The following PRPS2 variants were observed in gnomAD, a reference collection of about 807,000 sequenced individuals.
PRPS2 encodes the protein phosphoribosyl pyrophosphate synthetase 2, also known as ribose-phosphate pyrophosphokinase 2.
For missense variants in PRPS2, 104 were observed against 271.5 expected (o/e 0.38, Z 4.34); for synonymous variants, 111 against 115.3 (o/e 0.96, Z 0.24).
chrX:12,805,604 A>G (rs998413299), intron 2 of PRPS2, among the ~76,000 whole-genome samples: 1 of 112,348 alleles, frequency 8.9e-6, no homozygotes, highest in African/African-American at 3.2e-5. Context: ...TTCAGATGTC[A>G]CAAAATATTG....
At chrX:12,809,110 A>G (rs1467393888) in intron 2 of PRPS2, 124 bp from the exon 3 acceptor site, 3 of 573,049 alleles carry the variant, frequency 5.2e-6, no homozygotes, top group African/African-American at 2.3e-5. Flanking sequence ...CACAACATGT[A>G]TAATTTTCTT....
intron 2 of PRPS2, among the ~76,000 whole-genome samples, chrX:12,807,118 A>G (rs1313964699): frequency 1.8e-5 from 2 of 111,702 alleles, no homozygotes; most frequent in African/African-American, 6.5e-5. Flanking sequence ...GGACAAAAAT[A>G]TATTTTCTCA....
Position 12,821,680 on chromosome X carries a change from A to C in PRPS2, c.864+877A>C, listed in dbSNP as rs182864493. Among the ~76,000 whole-genome samples, 481 of 112,114 alleles carry C rather than the reference A, an allele frequency of 4.3e-3. 4 individuals are homozygous for C. The highest frequency in any genetic ancestry group is 0.015 in the African/African-American group (462 of 30,764). On this transcript the variant is annotated intron_variant, in intron 6 of 6. Coordinates refer to ENST00000380668, the MANE Select transcript of PRPS2 (RefSeq NM_002765.5). ...TATACTTGATCTTAGCCAGATAGAT[A>C]AATAGATAGATACATAGATAGATAC...
rs187516554 is a variant in PRPS2 at position 12,820,457 on chromosome X, C to T, written c.705-187C>T. ...CTCAAGTGCCAAGGTTGATAGTCCC[C>T]GATTTAATGGAATACAAAGTGTTTT... On this transcript the variant is annotated intron_variant, in intron 5 of 6. Coordinates refer to ENST00000380668, the MANE Select transcript of PRPS2 (RefSeq NM_002765.5). Among the ~76,000 whole-genome samples, 289 of 111,625 alleles carry T rather than the reference C, an allele frequency of 2.6e-3. 1 individual carries two copies. The highest frequency in any genetic ancestry group is 4.3e-3 in the Non-Finnish European group (230 of 53,135).
chrX:12,820,593 A>C, intron 5 of PRPS2, 51 bp from the exon 6 acceptor site: 1 of 1,152,702 alleles, frequency 8.7e-7, no homozygotes, highest in Non-Finnish European at 1.2e-6. Context: ...AGGGGAGAGT[A>C]TTCCAAGAAT....
intron 1 of PRPS2, among the ~76,000 whole-genome samples, chrX:12,797,925 G>A (rs1468986262): frequency 8.9e-6 from 1 of 112,550 alleles, no homozygotes; most frequent in Non-Finnish European, 1.9e-5. Context: ...GCAAAACAAG[G>A]AAGTATACCA....
At chrX:12,805,757 G>T (rs1458716541) in intron 2 of PRPS2, among the ~76,000 whole-genome samples, 1 of 111,893 alleles carries the variant, frequency 8.9e-6, no homozygotes, top group Non-Finnish European at 1.9e-5. Flanking sequence ...CTCAATAACT[G>T]CTGGTTCCCT....
intron 1 of PRPS2, among the ~76,000 whole-genome samples, chrX:12,798,846 T>C (rs2042556125): frequency 9.0e-6 from 1 of 111,695 alleles, no homozygotes; most frequent in Non-Finnish European, 1.9e-5. Context: ...AGGGTGCTTA[T>C]ATGACCAGCC....
intron 2 of PRPS2, among the ~76,000 whole-genome samples, chrX:12,802,632 C>T (rs776729485): frequency 8.9e-6 from 1 of 112,525 alleles, no homozygotes; most frequent in South Asian, 3.7e-4. Flanking sequence ...AGCCATCGCG[C>T]CCAGCCGGCT....
intron 4 of PRPS2, among the ~76,000 whole-genome samples, chrX:12,814,605 G>C (rs921427342): frequency 8.9e-6 from 1 of 111,911 alleles, no homozygotes; most frequent in Non-Finnish European, 1.9e-5. Context: ...GACTCGTTCC[G>C]GGTAAAACTG....
chrX:12,813,206 C>G (rs956927477), intron 4 of PRPS2, among the ~76,000 whole-genome samples: 1 of 112,116 alleles, frequency 8.9e-6, no homozygotes, highest in African/African-American at 3.2e-5. Flanking sequence ...CACAGTTCTT[C>G]ACTGTGCTTT....
At chrX:12,803,619 G>A (rs1377262630) in intron 2 of PRPS2, among the ~76,000 whole-genome samples, 1 of 112,391 alleles carries the variant, frequency 8.9e-6, no homozygotes, top group African/African-American at 3.2e-5. Context: ...GATACATGAG[G>A]TAGCATCTAG....
chrX:12,804,521 G>A (rs1202841487), intron 2 of PRPS2, among the ~76,000 whole-genome samples: 2 of 111,178 alleles, frequency 1.8e-5, no homozygotes, highest in Admixed American at 9.6e-5. Flanking sequence ...GCTTGGCTTT[G>A]TACTGAGAAA....
intron 4 of PRPS2, among the ~76,000 whole-genome samples, chrX:12,815,884 C>T (rs1481542176): frequency 8.9e-6 from 1 of 111,810 alleles, no homozygotes; most frequent in Non-Finnish European, 1.9e-5. Context: ...CTCAGGTGAT[C>T]CACCCACCTC....
intron 1 of PRPS2, among the ~76,000 whole-genome samples, chrX:12,791,941 G>A (rs1165182701): frequency 8.8e-6 from 1 of 113,112 alleles, no homozygotes; most frequent in Non-Finnish European, 1.9e-5. Context: ...CAGCCCGGAA[G>A]GGAGACGTCT....
intron 4 of PRPS2, among the ~76,000 whole-genome samples, chrX:12,810,879 AGAG>A (rs368726602): frequency 3.6e-5 from 4 of 110,127 alleles, no homozygotes; most frequent in African/African-American, 1.3e-4. Context: ...AAGAAGAAGA[AGAG>A]AAGAGGGCTG....
intron 2 of PRPS2, among the ~76,000 whole-genome samples, chrX:12,804,505 C>T (rs1184988049): frequency 2.7e-5 from 3 of 111,276 alleles, no homozygotes; most frequent in African/African-American, 9.8e-5. Context: ...TACCTTGGAT[C>T]ACGTGGCTTG....
Position 12,799,259 on chromosome X carries a change from G to A in PRPS2, c.175G>A (p.Gly59Ser), listed in dbSNP as rs774697082. Reference protein sequence around the residue: ...RGEDVYIIQSGCGEINDNLME... With the variant: ...RGEDVYIIQSSCGEINDNLME... ...GGAAGATGTCTACATCATCCAGAGC[G>A]GCTGCGGGGAAATTAACGACAACCT... The change falls in exon 2 of 7, where the codon GGC (glycine) becomes AGC (serine). Residue 59 changes from glycine (G) to serine (S), a missense_variant. Coordinates refer to ENST00000380668, the MANE Select transcript of PRPS2 (RefSeq NM_002765.5). 8 of 1,209,637 alleles carry A rather than the reference G, an allele frequency of 6.6e-6. No homozygotes were observed. The highest frequency in any genetic ancestry group is 3.0e-5 in the East Asian group (1 of 33,769).
chrX:12,800,804 C>G (rs1055634012), intron 2 of PRPS2, among the ~76,000 whole-genome samples: 3 of 111,569 alleles, frequency 2.7e-5, no homozygotes, highest in Non-Finnish European at 1.9e-5. Context: ...ATCCCAGTCT[C>G]CTCAAGACAT....
Sources: gnomAD v4.1 joint callset for allele counts (sites outside exome capture counted in the v4.1 genomes callset) on GRCh38, gnomAD v4.1.1 for gene constraint, MANE v1.5 for transcripts, NCBI Gene and HGNC (gene_info 2026-07-23, HGNC 2026-07-21) for gene names.